The following UNC5D variants were observed in gnomAD, a reference collection of about 807,000 sequenced individuals.
UNC5D encodes the protein unc-5 netrin receptor D.
UNC5D carries 39 observed loss-of-function variants against 105.4 expected under a neutral mutation model. The observed-to-expected ratio is 0.37, with a 90% confidence interval of 0.29 to 0.48. The LOEUF (loss-of-function observed/expected upper bound fraction) is 0.48, where lower values mean the gene tolerates loss of function less well. Among genes scored for constraint, UNC5D ranks in the 20% least tolerant of loss-of-function variants. The pLI is 0.98. For missense variants in UNC5D, 991 were observed against 1,202.4 expected, an observed-to-expected ratio of 0.82 and a Z score of 2.60; for synonymous variants, 452 against 450.4, an observed-to-expected ratio of 1.00 and a Z score of -0.04.
intron 1 of UNC5D, among the ~76,000 whole-genome samples, chr8:35,499,899 A>C (rs1811858982): frequency 6.6e-6 from 1 of 152,160 alleles, no homozygotes; most frequent in Non-Finnish European, 1.5e-5. Flanking sequence ...CTACCCTTAC[A>C]ATGTTTTATT....
chr8:35,615,476 CA>C (rs1369059198), intron 4 of UNC5D, among the ~76,000 whole-genome samples: 1 of 152,086 alleles, frequency 6.6e-6, no homozygotes, highest in Non-Finnish European at 1.5e-5. Context: ...CTGCCCTTCC[CA>C]GGTGACGCTG....
intron 1 of UNC5D, among the ~76,000 whole-genome samples, chr8:35,332,769 T>G (rs1810723841): frequency 6.6e-6 from 1 of 152,150 alleles, no homozygotes; most frequent in Non-Finnish European, 1.5e-5. Flanking sequence ...CACTCTTACA[T>G]GAACTTCAAT....
At chr8:35,305,234 A>G (rs1808248038) in intron 1 of UNC5D, among the ~76,000 whole-genome samples, 1 of 152,152 alleles carries the variant, frequency 6.6e-6, no homozygotes, top group South Asian at 2.1e-4. Context: ...ACAAATTTTA[A>G]TTGAATATAA....
chr8:35,460,222 G>T (rs548051143), intron 1 of UNC5D, among the ~76,000 whole-genome samples: 3 of 152,274 alleles, frequency 2.0e-5, no homozygotes, highest in African/African-American at 7.2e-5. Flanking sequence ...CTGCTTGCTT[G>T]CTGAGAATGG....
intron 1 of UNC5D, among the ~76,000 whole-genome samples, chr8:35,548,534 C>G (rs1815865100): frequency 1.3e-5 from 2 of 152,106 alleles, no homozygotes; most frequent in African/African-American, 4.8e-5. Flanking sequence ...CTGCACTTCC[C>G]TTTTTATATT....
In UNC5D at chr8:35,765,365, C is replaced by T. The variant is rs111691908; in HGVS notation, c.2314-1537C>T. On this transcript the variant is annotated intron_variant, in intron 14 of 16. Transcript: ENST00000404895. ...CCACTTCTTGCACAGGAATGAAGTC[C>T]GTGAAATGCCAGATGGTTTCCTGCC... Among the ~76,000 whole-genome samples the T allele has an allele frequency of 3.4e-3, 513 of 152,260 alleles. 1 individual carries two copies. The highest frequency in any genetic ancestry group is 6.8e-3 in the Middle Eastern group (2 of 294).
At chr8:35,712,460 T>G (rs1828021913) in intron 8 of UNC5D, among the ~76,000 whole-genome samples, 1 of 152,178 alleles carries the variant, frequency 6.6e-6, no homozygotes, top group Non-Finnish European at 1.5e-5. Flanking sequence ...AAACTTCTTG[T>G]AACAATCATC....
In UNC5D at chr8:35,795,021, A is replaced by T. The variant is rs1314438091; in HGVS notation, c.*4458A>T. 2 of 152,146 alleles carry T rather than the reference A, an allele frequency of 1.3e-5. No homozygotes were observed. Among genetic ancestry groups the T allele is most frequent in the Non-Finnish European group, 2.9e-5 (2 of 68,040 alleles). 9.4% of individuals were successfully genotyped at this position (152,146 alleles called of 1,614,324 possible). A position where few individuals can be genotyped will look rare whatever the true frequency, so the allele number is the denominator to read the frequency against. On this transcript the variant is annotated 3_prime_UTR_variant, in exon 17 of 17. Coordinates refer to ENST00000404895, the MANE Select transcript of UNC5D (RefSeq NM_080872.4). ...TTGCTGTGAAGATCATGGATTGGGAATGTCCTCGTGAGGTGGACCTAAGGC... is the reference window on the plus strand; with the variant it reads ...TTGCTGTGAAGATCATGGATTGGGATTGTCCTCGTGAGGTGGACCTAAGGC...
rs116002792 is a variant in UNC5D at position 35,487,419 on chromosome 8, C to T, written c.104-61873C>T. On this transcript the variant is annotated intron_variant, in intron 1 of 16. Coordinates refer to ENST00000404895, the MANE Select transcript of UNC5D (RefSeq NM_080872.4). The stretch of plus-strand genomic sequence containing the variant: ...CTCCTTTGAGCAAGCAGGAATTCTG[C>T]CAGCTGACTTCCTCTGGACTCAGAG... Among the ~76,000 whole-genome samples, 525 of 152,226 alleles carry T rather than the reference C, an allele frequency of 3.4e-3. 6 individuals are homozygous for T. Among genetic ancestry groups the T allele is most frequent in the African/African-American group, 0.012 (506 of 41,520 alleles).
chr8:35,507,074 G>A (rs376196602), intron 1 of UNC5D, among the ~76,000 whole-genome samples: 1 of 11,764 alleles, frequency 8.5e-5, no homozygotes, highest in South Asian at 2.4e-3. Context: ...TTTTTTTTTT[G>A]AGACGGAGTC....
At chr8:35,609,371 C>G (rs960611394) in intron 4 of UNC5D, among the ~76,000 whole-genome samples, 3 of 152,176 alleles carry the variant, frequency 2.0e-5, no homozygotes, top group African/African-American at 7.2e-5. Flanking sequence ...GCACCAATAT[C>G]TATAGCTCTT....
At chr8:35,604,076 T>C (rs186106759) in intron 4 of UNC5D, among the ~76,000 whole-genome samples, 1 of 152,346 alleles carries the variant, frequency 6.6e-6, no homozygotes, top group Non-Finnish European at 1.5e-5. Flanking sequence ...GTGAATTTGA[T>C]CCTGTCATTA....
At chr8:35,643,815 G>A (rs1356543935) in intron 4 of UNC5D, among the ~76,000 whole-genome samples, 2 of 152,120 alleles carry the variant, frequency 1.3e-5, no homozygotes, top group African/African-American at 4.8e-5. Flanking sequence ...ATCTGGAGAG[G>A]TTGTTTTACC....
At chr8:35,720,382 C>T (rs777167835) in intron 8 of UNC5D, among the ~76,000 whole-genome samples, 3 of 152,208 alleles carry the variant, frequency 2.0e-5, no homozygotes, top group Non-Finnish European at 4.4e-5. Flanking sequence ...TTCTCCCCAG[C>T]TACACCTTTT....
At chr8:35,549,112 A>C (rs1815914387) in intron 1 of UNC5D, among the ~76,000 whole-genome samples, 180 bp from the exon 2 acceptor site, 1 of 152,216 alleles carries the variant, frequency 6.6e-6, no homozygotes, top group Non-Finnish European at 1.5e-5. Context: ...GAGGCACCAT[A>C]TCCTCCTAGT....
chr8:35,516,182 A>G (rs766858337), intron 1 of UNC5D, among the ~76,000 whole-genome samples: 2 of 151,998 alleles, frequency 1.3e-5, no homozygotes, highest in Admixed American at 6.5e-5. Flanking sequence ...ATAATGTCTT[A>G]TTTTCCAGTC....
intron 1 of UNC5D, among the ~76,000 whole-genome samples, chr8:35,271,441 A>G (rs1218008268): frequency 1.4e-5 from 2 of 141,278 alleles, no homozygotes; most frequent in African/African-American, 5.1e-5. Context: ...GTGTATGTAT[A>G]TGTATACACA....
At chr8:35,574,265 A>T (rs1817947427) in intron 3 of UNC5D, among the ~76,000 whole-genome samples, 1 of 152,094 alleles carries the variant, frequency 6.6e-6, no homozygotes, top group Admixed American at 6.5e-5. Flanking sequence ...CTCCCATATG[A>T]CTGTTGGGAT....
intron 1 of UNC5D, among the ~76,000 whole-genome samples, chr8:35,534,535 G>A (rs1188225377): frequency 6.6e-6 from 1 of 151,058 alleles, no homozygotes; most frequent in Non-Finnish European, 1.5e-5. Flanking sequence ...GTTTACTCTG[G>A]TCTTCTGCTT....
Sources: gnomAD v4.1 joint callset for allele counts (sites outside exome capture counted in the v4.1 genomes callset) on GRCh38, gnomAD v4.1.1 for gene constraint, MANE v1.5 for transcripts, NCBI Gene and HGNC (gene_info 2026-07-23, HGNC 2026-07-21) for gene names.